SSBP2: variants seen among roughly 807,000 people sequenced by gnomAD.
SSBP2 encodes single stranded DNA binding protein 2.
Under a neutral mutation model 61.8 loss-of-function variants are expected in SSBP2, and 17 were observed. The ratio of observed to expected loss-of-function variants is 0.28; its 90% CI spans 0.19 to 0.41. SSBP2 has a LOEUF of 0.41. SSBP2 is among the 10% of genes least tolerant of loss of function. The probability of loss-of-function intolerance (pLI) is 1.00; values close to 1 mark genes in which losing one functional copy is unlikely to be tolerated. For synonymous variants in SSBP2, 139 were observed against 141.3 expected, an observed-to-expected ratio of 0.98 and a Z score of 0.12; for missense variants, 310 against 458.7, an observed-to-expected ratio of 0.68 and a Z score of 2.96.
intron 6 of SSBP2, 73 bp downstream of exon 6, chr5:81,489,177 G>A: frequency 7.9e-7 from 1 of 1,273,054 alleles, no homozygotes; most frequent in Non-Finnish European, 1.1e-6. Context: ...TATTTTTACA[G>A]GATGATAAAT....
At chr5:81,437,379 C>T in intron 15 of SSBP2, 51 bp downstream of exon 15, 1 of 1,533,280 alleles carries the variant, frequency 6.5e-7, no homozygotes, top group African/African-American at 1.4e-5. Flanking sequence ...TAATGAGTTC[C>T]ATGTTAAATA....
At chr5:81,536,522 T>C (rs1173345105) in intron 4 of SSBP2, among the ~76,000 whole-genome samples, 1 of 152,120 alleles carries the variant, frequency 6.6e-6, no homozygotes, top group African/African-American at 2.4e-5. Context: ...ACTAAATATA[T>C]TCTTACCATA....
intron 4 of SSBP2, among the ~76,000 whole-genome samples, chr5:81,567,679 C>A (rs915933197): frequency 6.6e-6 from 1 of 152,184 alleles, no homozygotes; most frequent in African/African-American, 2.4e-5. Context: ...TGGAAAGCTG[C>A]AGATACTCAA....
At chr5:81,632,946 C>T (rs1406662184) in intron 3 of SSBP2, among the ~76,000 whole-genome samples, 1 of 152,008 alleles carries the variant, frequency 6.6e-6, no homozygotes, top group East Asian at 1.9e-4. Flanking sequence ...ATGGCCTTTC[C>T]CTAAATCCTA....
At chr5:81,498,754 G>A (rs1767477762) in intron 5 of SSBP2, among the ~76,000 whole-genome samples, 3 of 151,896 alleles carry the variant, frequency 2.0e-5, no homozygotes, top group Admixed American at 2.0e-4. Flanking sequence ...AAACTTAAAT[G>A]TGTTAACGCT....
At chr5:81,442,483 T>A (rs778162503) in intron 13 of SSBP2, among the ~76,000 whole-genome samples, 170 bp downstream of exon 13, 8 of 152,100 alleles carry the variant, frequency 5.3e-5, no homozygotes, top group Non-Finnish European at 1.2e-4. Context: ...CTGTTATATA[T>A]GTTTACTGTT....
chr5:81,659,416 A>ATTATT (rs1750497563), intron 1 of SSBP2, among the ~76,000 whole-genome samples: 1 of 152,202 alleles, frequency 6.6e-6, no homozygotes, highest in Non-Finnish European at 1.5e-5. Flanking sequence ...CCCATTCACA[A>ATTATT]CTGCTACAAA....
intron 1 of SSBP2, among the ~76,000 whole-genome samples, chr5:81,723,080 A>G (rs1755643013): frequency 6.6e-6 from 1 of 152,056 alleles, no homozygotes; most frequent in Non-Finnish European, 1.5e-5. Flanking sequence ...TATGCTAATT[A>G]AAGAAGTTTT....
chr5:81,519,376 T>TTTA (rs1218179083), intron 4 of SSBP2, among the ~76,000 whole-genome samples: 1 of 152,168 alleles, frequency 6.6e-6, no homozygotes, highest in Non-Finnish European at 1.5e-5. Context: ...TTTACATAAT[T>TTTA]TATAAAGGTC....
intron 6 of SSBP2, among the ~76,000 whole-genome samples, chr5:81,488,069 T>TTATATATATGTGGTGTGTGTGTGTATA (rs1766566830): frequency 1.1e-5 from 1 of 92,264 alleles, no homozygotes; most frequent in Non-Finnish European, 2.6e-5. Flanking sequence ...AAATAAAATA[T>TTATATATATGTGGTGTGTGTGTGTATA]CATATATTAT....
intron 1 of SSBP2, among the ~76,000 whole-genome samples, chr5:81,735,785 A>C (rs1270864244): frequency 6.6e-6 from 1 of 152,214 alleles, no homozygotes; most frequent in Non-Finnish European, 1.5e-5. Flanking sequence ...ACAGAGCAAA[A>C]TATAAATTTT....
At chr5:81,423,360 A>G (rs10063111) in intron 16 of SSBP2, among the ~76,000 whole-genome samples, 5,636 of 152,320 alleles carry the variant, frequency 0.037, 335 homozygotes, top group African/African-American at 0.13. Flanking sequence ...CTTTTAAAAC[A>G]AAGATCTTAT....
At chr5:81,600,561 C>CAAAAAAAAAA (rs35204869) in intron 4 of SSBP2, among the ~76,000 whole-genome samples, 2 of 87,608 alleles carry the variant, frequency 2.3e-5, no homozygotes, top group African/African-American at 4.5e-5. Flanking sequence ...GACTCTGTCT[C>CAAAAAAAAAA]AAAAAAAAAA....
rs1757731040 is a variant in SSBP2 at position 81,750,992 on chromosome 5, C to T, written c.51G>A (p.Gln17=). The T allele has an allele frequency of 2.5e-6, 4 of 1,597,932 alleles. No homozygotes were observed. The highest frequency in any genetic ancestry group is 3.4e-6 in the Non-Finnish European group (4 of 1,172,472). ...GCGGAGACACTTACTTCTCCCGGGC[C>T]TGGCTGTCGGACGGGACGGCGCTGC... The change falls in exon 1 of 17, where the codon CAG becomes CAA. Residue 17 remains glutamine, a synonymous_variant. Transcript: ENST00000320672.
At chr5:81,505,535 A>G (rs1278946231) in intron 5 of SSBP2, among the ~76,000 whole-genome samples, 1 of 152,168 alleles carries the variant, frequency 6.6e-6, no homozygotes, top group African/African-American at 2.4e-5. Flanking sequence ...AATAAAAACT[A>G]AATTAAATTG....
At chr5:81,701,031 T>C (rs564073465) in intron 1 of SSBP2, among the ~76,000 whole-genome samples, 1 of 151,918 alleles carries the variant, frequency 6.6e-6, no homozygotes, top group South Asian at 2.1e-4. Context: ...ACTTGGCTGT[T>C]TGGCACAAGG....
At chr5:81,702,125 C>T (rs1010545630) in intron 1 of SSBP2, among the ~76,000 whole-genome samples, 1 of 152,120 alleles carries the variant, frequency 6.6e-6, no homozygotes, top group Non-Finnish European at 1.5e-5. Flanking sequence ...GTAATCCCAG[C>T]ACTTTGGGAG....
chr5:81,523,234 A>G (rs960191041), intron 4 of SSBP2, among the ~76,000 whole-genome samples: 1 of 152,060 alleles, frequency 6.6e-6, no homozygotes, highest in African/African-American at 2.4e-5. Flanking sequence ...ACTCTGATAA[A>G]AACAATTAAA....
intron 4 of SSBP2, among the ~76,000 whole-genome samples, chr5:81,529,858 G>C (rs1388522088): frequency 3.3e-5 from 5 of 152,062 alleles, no homozygotes; most frequent in Non-Finnish European, 7.4e-5. Flanking sequence ...ATGAGTGATA[G>C]AGAATTATTA....
Sources: allele counts gnomAD v4.1 joint callset (sites outside exome capture counted in the v4.1 genomes callset), GRCh38; gene constraint gnomAD v4.1.1; transcripts MANE v1.5; gene names NCBI Gene and HGNC (gene_info 2026-07-23, HGNC 2026-07-21).